Variants in PCDHGA1 observed in about 807,000 individuals in gnomAD.
PCDHGA1 encodes protocadherin gamma-A1.
PCDHGA1 carries 32 observed loss-of-function variants against 58.0 expected under a neutral mutation model. The ratio of observed to expected loss-of-function variants is 0.55; its 90% CI spans 0.42 to 0.74. The LOEUF is 0.74. Ranked by LOEUF, PCDHGA1 falls within the 30% of genes least tolerant of loss-of-function variation. The pLI is 0.00. For missense variants in PCDHGA1, 1,205 were observed against 1,182.3 expected (o/e 1.02, Z -0.28); for synonymous variants, 498 against 501.1 (o/e 0.99, Z 0.08).
In PCDHGA1 at chr5:141,489,372, G is replaced by A. The variant is rs1335356378; in HGVS notation, c.2422-5435G>A. 2 of 1,613,814 alleles carry A rather than the reference G, an allele frequency of 1.2e-6. No individual in the cohort carries two copies. Among genetic ancestry groups the A allele is most frequent in the Non-Finnish European group, 1.7e-6 (2 of 1,179,700 alleles). On this transcript the variant is annotated intron_variant, in intron 1 of 3. Transcript: ENST00000517417. The surrounding 1 kb of genome is among the most constrained non-coding windows in gnomAD (Gnocchi z 4.5). ...TGGAGGAGTCTGAGCCGGGGACGCT[G>A]GTGGGGAATGTTGCTCAGGATCTGG...
intron 1 of PCDHGA1, chr5:141,394,550 C>T (rs1389907024): frequency 9.3e-6 from 15 of 1,614,014 alleles, no homozygotes; most frequent in South Asian, 7.7e-5. Flanking sequence ...AGCTGGCGCC[C>T]CGCTCCGCAG....
At chr5:141,394,332 A>G (rs1270394666) in intron 1 of PCDHGA1, 2 of 1,614,010 alleles carry the variant, frequency 1.2e-6, no homozygotes, top group Admixed American at 1.7e-5. Context: ...GTATATCTCC[A>G]TCAACTCTGA....
intron 1 of PCDHGA1, chr5:141,344,843 C>T (rs547334260): frequency 6.2e-6 from 10 of 1,613,868 alleles, no homozygotes; most frequent in Middle Eastern, 1.6e-4. Flanking sequence ...CTGACCCTGA[C>T]GAGGGATTCA....
At chr5:141,395,085 T>C (rs2093165281) in intron 1 of PCDHGA1, 1 of 1,614,026 alleles carries the variant, frequency 6.2e-7, no homozygotes, top group South Asian at 1.1e-5. Flanking sequence ...CCAGGAAGTC[T>C]CCCTCACCGC....
intron 1 of PCDHGA1, chr5:141,394,556 C>T (rs752795340): frequency 1.9e-6 from 3 of 1,614,112 alleles, no homozygotes; most frequent in Admixed American, 3.3e-5. Context: ...CGCCCCGCTC[C>T]GCAGAGCGTG....
Position 141,477,016 on chromosome 5 carries a change from A to G in PCDHGA1, c.2422-17791A>G, listed in dbSNP as rs2099403497. Reference sequence around the variant, plus strand: ...GGCAACTATTCGCCTTAGACCTTGTAACCGGGATGCTGACAATCAAGGGTC... The same window carrying G: ...GGCAACTATTCGCCTTAGACCTTGTGACCGGGATGCTGACAATCAAGGGTC... On this transcript the variant is annotated intron_variant, in intron 1 of 3. Transcript: ENST00000517417. The surrounding 1 kb of genome is among the most constrained non-coding windows in gnomAD (Gnocchi z 4.9). 4.3e-6 allele frequency: 7 copies of G among 1,614,130 alleles called. No homozygotes were observed. The highest frequency in any genetic ancestry group is 5.9e-6 in the Non-Finnish European group (7 of 1,180,050).
chr5:141,446,468 A>G (rs2098503159), intron 1 of PCDHGA1, among the ~76,000 whole-genome samples: 1 of 149,982 alleles, frequency 6.7e-6, no homozygotes, highest in African/African-American at 2.5e-5. Flanking sequence ...GTGATTAGAC[A>G]TATGGTCATC....
At chr5:141,400,511 C>G (rs1456963604) in intron 1 of PCDHGA1, 1 of 1,613,824 alleles carries the variant, frequency 6.2e-7, no homozygotes, top group African/African-American at 1.3e-5. Context: ...GAGTCGACTT[C>G]CCATCCTGAG....
intron 1 of PCDHGA1, among the ~76,000 whole-genome samples, chr5:141,359,386 C>G (rs1405984010): frequency 6.6e-6 from 1 of 151,886 alleles, no homozygotes; most frequent in Non-Finnish European, 1.5e-5. Flanking sequence ...TAATTTATAA[C>G]CTAAAATCAA....
At chr5:141,421,618 G>A (rs748399893) in intron 1 of PCDHGA1, 1 of 1,613,766 alleles carries the variant, frequency 6.2e-7, no homozygotes, top group African/African-American at 1.3e-5. Context: ...TAATGATAAC[G>A]CCCCCAGCTT....
At position 141,372,855 on chromosome 5, in the gene PCDHGA1, A is replaced by T; in HGVS notation, c.2421+39750A>T. 7 of 1,456,148 alleles carry T rather than the reference A, an allele frequency of 4.8e-6. No homozygotes were observed. The South Asian group carries it at 6.7e-5, about 14-fold the overall frequency. 90.2% of individuals were successfully genotyped at this position (1,456,148 alleles called of 1,614,324 possible). On this transcript the variant is annotated intron_variant, in intron 1 of 3. Transcript: ENST00000517417. ...CCTTCCATAAATATAATTGGGTTTC[A>T]ATTCATTGATTTAGAGATAAAAAGA...
chr5:141,419,240 G>C (rs753956971), intron 1 of PCDHGA1: 1 of 1,613,980 alleles, frequency 6.2e-7, no homozygotes, highest in South Asian at 1.1e-5. Flanking sequence ...CCTGGTCCAC[G>C]TGCCAGAAAA....
At chr5:141,397,507 T>C (rs2093532297) in intron 1 of PCDHGA1, among the ~76,000 whole-genome samples, 1 of 152,222 alleles carries the variant, frequency 6.6e-6, no homozygotes, top group Non-Finnish European at 1.5e-5. Flanking sequence ...GATAAAATTG[T>C]TTCCATAGCT....
intron 1 of PCDHGA1, chr5:141,395,555 TGTGTG>T: frequency 9.9e-6 from 1 of 101,256 alleles, no homozygotes; most frequent in Non-Finnish European, 1.7e-5. Context: ...TGTGTGTGTG[TGTGTG>T]TGTGTGTGTG....
At chr5:141,371,919 G>A (rs765232758) in intron 1 of PCDHGA1, 2 of 1,613,372 alleles carry the variant, frequency 1.2e-6, no homozygotes, top group East Asian at 2.2e-5. Flanking sequence ...GTCCGTGAGC[G>A]CGCGGAGCGG....
intron 1 of PCDHGA1, chr5:141,422,369 G>A (rs890803753): frequency 6.4e-7 from 1 of 1,566,400 alleles, no homozygotes; most frequent in Non-Finnish European, 8.6e-7. Flanking sequence ...GGAGAAAATG[G>A]TCAAGTCTCC....
intron 1 of PCDHGA1, among the ~76,000 whole-genome samples, chr5:141,386,359 C>A (rs566341507): frequency 6.6e-6 from 1 of 152,014 alleles, no homozygotes; most frequent in African/African-American, 2.4e-5. Flanking sequence ...AATCTTGATT[C>A]CAGAGACCTT....
chr5:141,419,177 C>T (rs1223789288), intron 1 of PCDHGA1: 8 of 1,613,862 alleles, frequency 5.0e-6, no homozygotes, highest in Admixed American at 1.7e-5. Flanking sequence ...AACCATAACC[C>T]TGCACATTAC....
At chr5:141,351,902 G>C in intron 1 of PCDHGA1, 1 of 1,613,444 alleles carries the variant, frequency 6.2e-7, no homozygotes, top group Non-Finnish European at 8.5e-7. Context: ...GCGCGTGTTG[G>C]TGGGCGACCT....
Sources: allele counts gnomAD v4.1 joint callset (sites outside exome capture counted in the v4.1 genomes callset), GRCh38; gene constraint gnomAD v4.1.1; non-coding constraint Gnocchi (gnomAD v3.1); transcripts MANE v1.5; gene names NCBI Gene and HGNC (gene_info 2026-07-23, HGNC 2026-07-21).